IGDCC4: variants seen among roughly 807,000 people sequenced by gnomAD.
IGDCC4 encodes the protein likely ortholog of mouse neighbor of Punc E11.
IGDCC4 carries 72 observed loss-of-function variants against 116.6 expected under a neutral mutation model. That is an observed-to-expected ratio of 0.62 (90% CI 0.51 to 0.75). The LOEUF (loss-of-function observed/expected upper bound fraction) is 0.75, where lower values mean the gene tolerates loss of function less well. IGDCC4 is among the 30% of genes least tolerant of loss of function. The pLI, the probability that IGDCC4 is intolerant of heterozygous loss-of-function variation, is 0.00. For synonymous variants in IGDCC4, 709 were observed against 719.9 expected, an observed-to-expected ratio of 0.98 and a Z score of 0.24; for missense variants, 1,501 against 1,662.4, an observed-to-expected ratio of 0.90 and a Z score of 1.69.
At chr15:65,410,888 G>T in intron 2 of IGDCC4, 132 bp downstream of exon 2, 1 of 675,506 alleles carries the variant, frequency 1.5e-6, no homozygotes, top group Non-Finnish European at 2.5e-6. Context: ...CTATTGAGCA[G>T]GATGGGAGGC....
Position 65,393,273 on chromosome 15 carries a change from G to A in IGDCC4, c.1885+88C>T. 1 of 1,398,756 alleles carries A rather than the reference G, an allele frequency of 7.1e-7. No homozygotes were observed. The allele number at this position is 1,398,756 out of a possible 1,614,324, so 86.6% of individuals were successfully genotyped here. ...TGGAAGGTCTCTGATGGAGGGCGGG[G>A]CCAGGGGGTGGGGCGCTGGGTCCCA... On this transcript the variant is annotated intron_variant, in intron 10 of 19. Transcript: ENST00000352385. The surrounding 1 kb of genome is among the most constrained non-coding windows in gnomAD (Gnocchi z 4.6).
chr15:65,409,223 C>A (rs2063067055), intron 3 of IGDCC4, among the ~76,000 whole-genome samples: 1 of 152,100 alleles, frequency 6.6e-6, no homozygotes, highest in Admixed American at 6.5e-5. Flanking sequence ...CTACAACCCC[C>A]ATCCTTACCT....
chr15:65,411,445 A>T, intron 1 of IGDCC4, 75 bp from the exon 2 acceptor site: 2 of 1,296,358 alleles, frequency 1.5e-6, no homozygotes, highest in South Asian at 1.6e-5. Flanking sequence ...TGAGTCACCC[A>T]TGCAGGGGCT....
chr15:65,408,438 T>G (rs546322265), intron 3 of IGDCC4, among the ~76,000 whole-genome samples: 13 of 152,318 alleles, frequency 8.5e-5, no homozygotes, highest in Non-Finnish European at 4.4e-5. Flanking sequence ...CAAATGTCAG[T>G]GTTAGAAAGG....
At chr15:65,403,993 G>C (rs2063016869) in intron 3 of IGDCC4, among the ~76,000 whole-genome samples, 1 of 152,128 alleles carries the variant, frequency 6.6e-6, no homozygotes, top group African/African-American at 2.4e-5. Flanking sequence ...TTTCTCAACA[G>C]AGCAAATGGT....
chr15:65,396,793 C>G (rs1331794525), intron 6 of IGDCC4, 41 bp downstream of exon 6: 2 of 1,546,080 alleles, frequency 1.3e-6, no homozygotes, highest in Non-Finnish European at 1.7e-6. Flanking sequence ...TTCACCCCAG[C>G]CCCAGCTAAC....
At position 65,416,878 on chromosome 15, in the gene IGDCC4, A is replaced by C. The variant is rs572505473; in HGVS notation, c.71-5508T>G. 2.6e-5 allele frequency among the ~76,000 whole-genome samples: 4 copies of C among 152,304 alleles called. No individual in the cohort carries two copies. The South Asian group carries it at 8.3e-4, about 32-fold the overall frequency. On this transcript the variant is annotated intron_variant, in intron 1 of 19. Transcript: ENST00000352385. ...AACTGGATTTTATGAGGCCAATTAG[A>C]ACCCAGACAGAAAGGAGATTCGCTG...
At chr15:65,390,925 A>T (rs545602841) in intron 12 of IGDCC4, among the ~76,000 whole-genome samples, 20 of 152,298 alleles carry the variant, frequency 1.3e-4, no homozygotes, top group African/African-American at 4.1e-4. Flanking sequence ...CTGAATGAAG[A>T]AATGAACAAA....
In IGDCC4 at chr15:65,384,424, T is replaced by G. The variant is rs745461611; in HGVS notation, c.3343-5A>C. On this transcript the variant is annotated splice_polypyrimidine_tract_variant and splice_region_variant and intron_variant, in intron 19 of 19. Transcript: ENST00000352385. The surrounding 1 kb of genome is among the most constrained non-coding windows in gnomAD (Gnocchi z 4.9). ...TGACTTCTTCCTCCCATTGCCCTGA[T>G]CAGAGCAGAGAACACAAAGACAAAG... 1.3e-6 allele frequency: 2 copies of G among 1,503,516 alleles called. No individual in the cohort carries two copies. The highest frequency in any genetic ancestry group is 8.8e-7 in the Non-Finnish European group (1 of 1,131,226). The allele number at this position is 1,503,516 out of a possible 1,614,324, so 93.1% of individuals were successfully genotyped here.
rs778571423 is a variant in IGDCC4, at chr15:65,396,880, G to A, written c.951C>T (p.Pro317=). 5 of 1,576,328 alleles carry A rather than the reference G, an allele frequency of 3.2e-6. No homozygotes were observed. In the Admixed American group the frequency reaches 9.2e-5, roughly 29 times the overall value. ...CTGCAGTGGCGAAGTCGCGCGTGCG[G>A]GGCTTGTTGGCGCGGCAGACATAGA... The part of the protein sequence containing the change: ...SGVYVCRANK[P]RTRDFATAAA... Residue 317 remains proline (P), a synonymous_variant, in exon 6 of 20, where the codon CCC becomes CCT. Transcript: ENST00000352385.
At chr15:65,420,778 C>G (rs2063183064) in intron 1 of IGDCC4, among the ~76,000 whole-genome samples, 1 of 152,152 alleles carries the variant, frequency 6.6e-6, no homozygotes, top group South Asian at 2.1e-4. Flanking sequence ...GGGCTAACTC[C>G]ATGTCGAGCT....
At chr15:65,410,349 G>A (rs1312961587) in intron 2 of IGDCC4, 30 bp from the exon 3 acceptor site, 1 of 1,613,080 alleles carries the variant, frequency 6.2e-7, no homozygotes, top group African/African-American at 1.3e-5. Flanking sequence ...GGCAGGGACG[G>A]GAAAAGAATA....
intron 5 of IGDCC4, among the ~76,000 whole-genome samples, chr15:65,400,023 A>G (rs896861190): frequency 6.6e-6 from 1 of 152,180 alleles, no homozygotes; most frequent in African/African-American, 2.4e-5. Context: ...CAGCTCTTCC[A>G]CTGCCTCTCT....
At chr15:65,421,141 C>T (rs77201001) in intron 1 of IGDCC4, among the ~76,000 whole-genome samples, 1 of 152,290 alleles carries the variant, frequency 6.6e-6, no homozygotes, top group African/African-American at 2.4e-5. Context: ...CAAGAGACGC[C>T]GCAACTCGGT....
Position 65,382,633 on chromosome 15 carries a change from G to A in IGDCC4, c.*1376C>T, listed in dbSNP as rs1460481637. ...CCTGTGCGGCAGGTGAACAGAAAATGACTTGAGGATTCAATTTAAAGAAAA... is the reference window on the plus strand; with the variant it reads ...CCTGTGCGGCAGGTGAACAGAAAATAACTTGAGGATTCAATTTAAAGAAAA... On this transcript the variant is annotated 3_prime_UTR_variant, in exon 20 of 20. Transcript: ENST00000352385. 1 of 152,454 alleles carries A rather than the reference G, an allele frequency of 6.6e-6. No homozygotes were observed. The highest frequency in any genetic ancestry group is 1.5e-5 in the Non-Finnish European group (1 of 68,038). 9.4% of individuals were successfully genotyped at this position (152,454 alleles called of 1,614,324 possible).
intron 3 of IGDCC4, among the ~76,000 whole-genome samples, chr15:65,408,838 CT>C (rs397702487): frequency 0.024 from 2,858 of 118,570 alleles, 42 homozygotes; most frequent in African/African-American, 0.065. Flanking sequence ...ATGTCTCTCT[CT>C]TTTTTTTTTT....
chr15:65,414,509 G>A (rs1259406370), intron 1 of IGDCC4, among the ~76,000 whole-genome samples: 1 of 152,224 alleles, frequency 6.6e-6, no homozygotes, highest in Non-Finnish European at 1.5e-5. Context: ...TCTGTGACAA[G>A]CCACTTAACT....
Position 65,384,808 on chromosome 15 carries a change from C to A in IGDCC4, c.3342+146G>T. ...ACTGGCCTGCCCTCCACCTACTCAA[C>A]CTTTGGAGGCTCCAGGGGTCTCCTG... On this transcript the variant is annotated intron_variant, in intron 19 of 19. Transcript: ENST00000352385. The surrounding 1 kb of genome is among the most constrained non-coding windows in gnomAD (Gnocchi z 4.9). 9.0e-7 allele frequency: 1 copy of A among 1,109,776 alleles called. No individual in the cohort carries two copies. The highest frequency in any genetic ancestry group is 2.7e-5 in the Admixed American group (1 of 37,086). 68.7% of individuals were successfully genotyped at this position (1,109,776 alleles called of 1,614,324 possible).
chr15:65,389,351 C>CACTGCAA lies in IGDCC4; in HGVS notation c.2462_2468dup (p.Gln824CysfsTer24). On this transcript the variant is annotated frameshift_variant, in exon 14 of 20. Coordinates refer to ENST00000352385, the MANE Select transcript of IGDCC4 (RefSeq NM_020962.3). LOFTEE classifies it high-confidence loss of function. ...CATCCATGTCCACGCCGTGAGACTGCACTGCAAACTCGTATTTGGTGAATG... is the reference window on the plus strand; with the variant it reads ...CATCCATGTCCACGCCGTGAGACTGCACTGCAAACTGCAAACTCGTATTTGGTGAATG... The CACTGCAA allele has an allele frequency of 6.2e-7, 1 of 1,614,208 alleles. No homozygotes were observed. The highest frequency in any genetic ancestry group is 8.5e-7 in the Non-Finnish European group (1 of 1,180,040).
Sources: allele counts gnomAD v4.1 joint callset (sites outside exome capture counted in the v4.1 genomes callset), GRCh38; gene constraint gnomAD v4.1.1; non-coding constraint Gnocchi (gnomAD v3.1); transcripts MANE v1.5; gene names NCBI Gene and HGNC (gene_info 2026-07-23, HGNC 2026-07-21).